TMEM178B: variants seen among roughly 807,000 people sequenced by gnomAD.
The protein encoded by TMEM178B is transmembrane protein 178B.
TMEM178B carries 5 observed loss-of-function variants against 31.0 expected under a neutral mutation model. The ratio of observed to expected loss-of-function variants is 0.16; its 90% CI spans 0.08 to 0.34. The LOEUF is 0.34. Ranked by LOEUF, TMEM178B falls within the 10% of genes least tolerant of loss-of-function variation. TMEM178B has a pLI of 1.00. For missense variants in TMEM178B, 275 were observed against 400.3 expected (o/e 0.69, Z 2.67); for synonymous variants, 164 against 164.0 (o/e 1.00, Z 0.00).
chr7:141,381,536 C>G (rs1362707638), intron 2 of TMEM178B, among the ~76,000 whole-genome samples: 2 of 152,100 alleles, frequency 1.3e-5, no homozygotes. Context: ...AAAGTCGAGT[C>G]CTATTTCTCT....
At chr7:141,258,535 T>C (rs1797965409) in intron 2 of TMEM178B, among the ~76,000 whole-genome samples, 2 of 152,238 alleles carry the variant, frequency 1.3e-5, no homozygotes, top group African/African-American at 2.4e-5. Flanking sequence ...GTCATTTATA[T>C]TTACCTTTCT....
intron 1 of TMEM178B, among the ~76,000 whole-genome samples, chr7:141,147,478 G>A (rs1563100095): frequency 6.6e-6 from 1 of 152,182 alleles, no homozygotes; most frequent in Non-Finnish European, 1.5e-5. Context: ...AATGCCACAT[G>A]GAGGATGGAC....
intron 2 of TMEM178B, among the ~76,000 whole-genome samples, chr7:141,276,131 G>A (rs907021737): frequency 6.6e-6 from 1 of 152,146 alleles, no homozygotes; most frequent in African/African-American, 2.4e-5. Flanking sequence ...GCAGTGGGTT[G>A]GGGCTCATGG....
intron 2 of TMEM178B, among the ~76,000 whole-genome samples, chr7:141,299,462 A>G (rs747521556): frequency 6.6e-6 from 1 of 152,204 alleles, no homozygotes; most frequent in Non-Finnish European, 1.5e-5. Flanking sequence ...ACCCCTCCTC[A>G]GGCAGAGCGG....
At chr7:141,209,573 A>G (rs956570043) in intron 1 of TMEM178B, among the ~76,000 whole-genome samples, 1 of 152,240 alleles carries the variant, frequency 6.6e-6, no homozygotes, top group African/African-American at 2.4e-5. Flanking sequence ...CTGGGAAGAT[A>G]AAGATGAATG....
At chr7:141,099,444 G>A (rs749291734) in intron 1 of TMEM178B, among the ~76,000 whole-genome samples, 18 of 152,170 alleles carry the variant, frequency 1.2e-4, no homozygotes, top group Non-Finnish European at 1.9e-4. Context: ...CTGATTAAGG[G>A]TTTGCACATT....
At chr7:141,186,932 T>G (rs1406251226) in intron 1 of TMEM178B, among the ~76,000 whole-genome samples, 1 of 152,190 alleles carries the variant, frequency 6.6e-6, no homozygotes, top group East Asian at 1.9e-4. Flanking sequence ...GAGATGATGC[T>G]TTTTTTAAAA....
In TMEM178B at chr7:141,472,803, A is replaced by G. The variant is rs1802270260; in HGVS notation, c.*2017A>G. The G allele has an allele frequency of 6.6e-6, 1 of 152,202 alleles. No homozygotes were observed. Among genetic ancestry groups the G allele is most frequent in the African/African-American group, 2.4e-5 (1 of 41,430 alleles). The allele number at this position is 152,202 out of a possible 1,614,324, so 9.4% of individuals were successfully genotyped here. A position where few individuals can be genotyped will look rare whatever the true frequency, so the allele number is the denominator to read the frequency against. ...CTGCTCCTTTGAACTGCGTGTATGT[A>G]ATTCATATCTGGATATGATATGACA... On this transcript the variant is annotated 3_prime_UTR_variant, in exon 4 of 4. Coordinates refer to ENST00000565468, the MANE Select transcript of TMEM178B (RefSeq NM_001195278.2).
Position 141,297,741 on chromosome 7 carries a change from T to C in TMEM178B, c.496+85037T>C, listed in dbSNP as rs9690191. 4.8e-3 allele frequency among the ~76,000 whole-genome samples: 735 copies of C among 152,346 alleles called. 8 individuals carry two copies. The East Asian group carries it at 0.051, about 11-fold the overall frequency. The stretch of plus-strand genomic sequence containing the variant: ...ATGGTGTGTATGTGCCACATTTTCT[T>C]AATCCAGTCTATCACTGATGGACAT... On this transcript the variant is annotated intron_variant, in intron 2 of 3. Transcript: ENST00000565468.
intron 2 of TMEM178B, among the ~76,000 whole-genome samples, chr7:141,369,728 G>A (rs1005355217): frequency 1.3e-5 from 2 of 152,188 alleles, no homozygotes; most frequent in African/African-American, 4.8e-5. Flanking sequence ...AGACATGGCA[G>A]AATCCCAGTG....
At chr7:141,157,980 T>C (rs1200187504) in intron 1 of TMEM178B, among the ~76,000 whole-genome samples, 1 of 152,142 alleles carries the variant, frequency 6.6e-6, no homozygotes, top group East Asian at 1.9e-4. Flanking sequence ...TCTGCCCAAA[T>C]TGGGTTTTTC....
chr7:141,354,588 T>C (rs893881676), intron 2 of TMEM178B, among the ~76,000 whole-genome samples: 1 of 152,238 alleles, frequency 6.6e-6, no homozygotes, highest in Non-Finnish European at 1.5e-5. Context: ...CAGTTTCTTG[T>C]ATTCTTTCGT....
chr7:141,467,970 T>TC (rs1327148450), intron 3 of TMEM178B, among the ~76,000 whole-genome samples: 24 of 121,240 alleles, frequency 2.0e-4, no homozygotes, highest in African/African-American at 4.4e-4. Flanking sequence ...AGATGATCTT[T>TC]CAAAAAAAAA....
chr7:141,219,084 G>C (rs1797211900), intron 2 of TMEM178B, among the ~76,000 whole-genome samples: 1 of 152,166 alleles, frequency 6.6e-6, no homozygotes, highest in Non-Finnish European at 1.5e-5. Context: ...TTTTTGTTCA[G>C]TCAGCTGTAA....
At chr7:141,387,574 C>T (rs747046153) in intron 2 of TMEM178B, among the ~76,000 whole-genome samples, 2 of 152,118 alleles carry the variant, frequency 1.3e-5, no homozygotes, top group Non-Finnish European at 2.9e-5. Flanking sequence ...TTTTTAAATG[C>T]CATAGTCAAT....
At chr7:141,108,934 T>C (rs1462720964) in intron 1 of TMEM178B, among the ~76,000 whole-genome samples, 2 of 152,124 alleles carry the variant, frequency 1.3e-5, no homozygotes, top group African/African-American at 4.8e-5. Flanking sequence ...CTCACAATCA[T>C]GGTGGGAGGT....
chr7:141,408,152 C>A (rs1337685550), intron 2 of TMEM178B, among the ~76,000 whole-genome samples: 1 of 152,012 alleles, frequency 6.6e-6, no homozygotes, highest in Non-Finnish European at 1.5e-5. Flanking sequence ...CCGAAGTCCC[C>A]TAGCTAGTTG....
chr7:141,235,484 A>T (rs564051536), intron 2 of TMEM178B, among the ~76,000 whole-genome samples: 1 of 152,228 alleles, frequency 6.6e-6, no homozygotes, highest in Non-Finnish European at 1.5e-5. Flanking sequence ...TAAGTTATTA[A>T]TCTAATCATG....
intron 1 of TMEM178B, among the ~76,000 whole-genome samples, chr7:141,098,949 T>C (rs1234158231): frequency 6.6e-6 from 1 of 152,210 alleles, no homozygotes; most frequent in African/African-American, 2.4e-5. Context: ...CGGCCATTGT[T>C]ATTTACAAAA....
Sources: gnomAD v4.1 joint callset for allele counts (sites outside exome capture counted in the v4.1 genomes callset) on GRCh38, gnomAD v4.1.1 for gene constraint, MANE v1.5 for transcripts, NCBI Gene and HGNC (gene_info 2026-07-23, HGNC 2026-07-21) for gene names.